Variants in STAU2 observed in about 807,000 individuals in gnomAD.
STAU2 encodes the protein double-stranded RNA-binding protein Staufen homolog 2.
In STAU2, 20 loss-of-function variants were observed where a neutral mutation model predicts 65.9. The observed-to-expected ratio is 0.30, with a 90% CI of 0.21 to 0.44. STAU2 has a LOEUF of 0.44. STAU2 is among the 20% of genes least tolerant of loss of function. The pLI is 1.00. For synonymous variants in STAU2, 232 were observed against 233.9 expected (o/e 0.99, Z 0.07); for missense variants, 558 against 683.9 (o/e 0.82, Z 2.05).
intron 12 of STAU2, chr8:73,561,408 C>A: frequency 2.8e-6 from 1 of 355,088 alleles, no homozygotes. Flanking sequence ...TGTTTGAGAG[C>A]ACCTTGTGAG....
At chr8:73,557,249 TGG>T (rs1233980575) in intron 12 of STAU2, among the ~76,000 whole-genome samples, 7 of 152,292 alleles carry the variant, frequency 4.6e-5, no homozygotes, top group African/African-American at 1.4e-4. Context: ...AAAGCCTAAG[TGG>T]ACTTTTCTTC....
chr8:73,666,367 T>C (rs1019059784), intron 6 of STAU2, among the ~76,000 whole-genome samples: 2 of 152,228 alleles, frequency 1.3e-5, no homozygotes, highest in African/African-American at 4.8e-5. Context: ...CAAGTCAATT[T>C]GGATGTTTCA....
intron 5 of STAU2, among the ~76,000 whole-genome samples, chr8:73,687,371 T>TTATATATATAAA (rs1240236643): frequency 2.5e-5 from 3 of 121,656 alleles, no homozygotes; most frequent in African/African-American, 6.7e-5. Context: ...TAAATATAAT[T>TTATATATATAAA]TATAATTTAT....
intron 13 of STAU2, among the ~76,000 whole-genome samples, chr8:73,487,618 C>A (rs1820981790): frequency 1.3e-5 from 2 of 152,040 alleles, no homozygotes; most frequent in African/African-American, 4.8e-5. Context: ...AAAAGGAACA[C>A]TTTTCTTATA....
chr8:73,587,277 A>T (rs1009840058), intron 11 of STAU2, among the ~76,000 whole-genome samples: 1 of 152,178 alleles, frequency 6.6e-6, no homozygotes, highest in Non-Finnish European at 1.5e-5. Flanking sequence ...AGACCACAAG[A>T]TCTCAAAAAA....
At chr8:73,457,581 G>A (rs1819135566) in intron 13 of STAU2, among the ~76,000 whole-genome samples, 10 of 152,212 alleles carry the variant, frequency 6.6e-5, no homozygotes, top group Admixed American at 6.5e-4. Context: ...AGATGGGGGA[G>A]GAAAAGAACA....
intron 5 of STAU2, among the ~76,000 whole-genome samples, chr8:73,680,993 T>G (rs1345015913): frequency 2.0e-5 from 3 of 151,836 alleles, no homozygotes; most frequent in Admixed American, 6.6e-5. Flanking sequence ...AACCTAAGAA[T>G]AAGTGGTGTT....
At chr8:73,479,474 A>G (rs867783277) in intron 13 of STAU2, among the ~76,000 whole-genome samples, 2 of 149,600 alleles carry the variant, frequency 1.3e-5, no homozygotes, top group Non-Finnish European at 3.0e-5. Flanking sequence ...CCTATTCTGC[A>G]CACACACACA....
At chr8:73,504,588 T>C (rs1380523459) in intron 13 of STAU2, among the ~76,000 whole-genome samples, 2 of 152,074 alleles carry the variant, frequency 1.3e-5, no homozygotes, top group African/African-American at 4.8e-5. Context: ...TGTGGGAGCC[T>C]AGCTGTTAGG....
chr8:73,513,993 G>T (rs530737727), intron 13 of STAU2, among the ~76,000 whole-genome samples: 2 of 152,278 alleles, frequency 1.3e-5, no homozygotes, highest in Middle Eastern at 3.4e-3. Flanking sequence ...TTCTCAATTT[G>T]TTGAGTGTCT....
intron 10 of STAU2, among the ~76,000 whole-genome samples, chr8:73,600,353 T>C (rs1407109952): frequency 1.3e-5 from 2 of 152,202 alleles, no homozygotes; most frequent in East Asian, 3.8e-4. Context: ...CATTGCCTTT[T>C]TTTCTGAAAC....
chr8:73,612,110 G>A (rs560711082), intron 9 of STAU2, among the ~76,000 whole-genome samples: 5 of 152,218 alleles, frequency 3.3e-5, no homozygotes, highest in South Asian at 4.1e-4. Flanking sequence ...TCACAGAAAA[G>A]CCATAGATTT....
intron 1 of STAU2, among the ~76,000 whole-genome samples, chr8:73,741,944 G>A (rs1211946238): frequency 1.3e-5 from 2 of 152,176 alleles, no homozygotes; most frequent in Admixed American, 6.5e-5. Context: ...AAGAGCTGTA[G>A]AAATTAAAAC....
chr8:73,575,630 A>G (rs1303830921), intron 12 of STAU2, among the ~76,000 whole-genome samples: 1 of 152,162 alleles, frequency 6.6e-6, no homozygotes, highest in Non-Finnish European at 1.5e-5. Flanking sequence ...CCCTATACAT[A>G]TCAATAGGAA....
intron 13 of STAU2, among the ~76,000 whole-genome samples, chr8:73,546,208 C>G (rs1042045986): frequency 7.5e-6 from 1 of 134,192 alleles, no homozygotes; most frequent in Admixed American, 9.0e-5. Flanking sequence ...CTCAAGTGAT[C>G]TGGCTGCCTT....
intron 13 of STAU2, among the ~76,000 whole-genome samples, chr8:73,450,485 T>C (rs1334127161): frequency 6.6e-6 from 1 of 152,158 alleles, no homozygotes; most frequent in African/African-American, 2.4e-5. Flanking sequence ...TAAAGACTCA[T>C]TTTACCCTCT....
At chr8:73,630,474 C>T (rs748412251) in intron 6 of STAU2, among the ~76,000 whole-genome samples, 2 of 152,170 alleles carry the variant, frequency 1.3e-5, no homozygotes, top group Non-Finnish European at 2.9e-5. Context: ...GTTTTGGCCT[C>T]GGGTTATGAT....
At chr8:73,727,972 T>C (rs143610138) in intron 3 of STAU2, 13 of 152,358 alleles carry the variant, frequency 8.5e-5, no homozygotes, top group African/African-American at 3.1e-4. Flanking sequence ...ACTAATGATG[T>C]TGAGTATTAA....
Position 73,557,639 on chromosome 8 carries a change from T to C in STAU2, c.1223-5320A>G, listed in dbSNP as rs548281051. On this transcript the variant is annotated intron_variant, in intron 12 of 14. Coordinates refer to ENST00000524300, the MANE Select transcript of STAU2 (RefSeq NM_001164380.2). ...ATCATTGCCACTCTACAATAATTCA[T>C]TGTTAATTTATTTTTGTTTGGTTAC... Among the ~76,000 whole-genome samples the C allele has an allele frequency of 2.0e-5, 3 of 152,348 alleles. No homozygotes were observed. The East Asian group carries it at 5.8e-4, about 29-fold the overall frequency.
Sources: allele counts gnomAD v4.1 joint callset (sites outside exome capture counted in the v4.1 genomes callset), GRCh38; gene constraint gnomAD v4.1.1; transcripts MANE v1.5; gene names NCBI Gene and HGNC (gene_info 2026-07-23, HGNC 2026-07-21).